The following SPAG16 variants were observed in gnomAD, a reference collection of about 807,000 sequenced individuals.
The protein encoded by SPAG16 is sperm-associated antigen 16 protein.
A neutral mutation model predicts 80.4 loss-of-function variants in SPAG16; 86 were observed. That is an observed-to-expected ratio of 1.07 (90% CI 0.90 to 1.28). The LOEUF (loss-of-function observed/expected upper bound fraction) is 1.28, where lower values mean the gene tolerates loss of function less well. SPAG16 is among the 50% of genes most tolerant of loss of function. The pLI is 0.00. For synonymous variants in SPAG16, 294 were observed against 265.9 expected (o/e 1.11, Z -1.03); for missense variants, 870 against 765.3 (o/e 1.14, Z -1.61).
At chr2:214,028,608 C>T (rs181033022) in intron 13 of SPAG16, among the ~76,000 whole-genome samples, 44 of 152,028 alleles carry the variant, frequency 2.9e-4, no homozygotes, top group African/African-American at 9.6e-4. Context: ...ATTTTACATG[C>T]ATTTGATAAA....
At chr2:213,702,331 C>T (rs535668848) in intron 10 of SPAG16, among the ~76,000 whole-genome samples, 47 of 152,352 alleles carry the variant, frequency 3.1e-4, no homozygotes, top group African/African-American at 1.0e-3. Flanking sequence ...GGTCTCTTTT[C>T]ATGCTGTGGA....
At chr2:213,756,437 G>A (rs1305469450) in intron 10 of SPAG16, among the ~76,000 whole-genome samples, 4 of 152,160 alleles carry the variant, frequency 2.6e-5, no homozygotes, top group African/African-American at 9.7e-5. Flanking sequence ...TGCATGCAGT[G>A]AGCTGAGATC....
chr2:214,337,731 G>A (rs981560637), intron 15 of SPAG16, among the ~76,000 whole-genome samples: 29 of 152,240 alleles, frequency 1.9e-4, no homozygotes, highest in African/African-American at 6.7e-4. Context: ...GGGATATTAC[G>A]TTGGTAGGTT....
chr2:213,391,285 A>G (rs2067737929), intron 9 of SPAG16, among the ~76,000 whole-genome samples: 2 of 152,170 alleles, frequency 1.3e-5, no homozygotes, highest in Non-Finnish European at 2.9e-5. Context: ...TAAATAAATA[A>G]ATGATACATA....
At chr2:213,335,583 AATTAT>A (rs1258055060) in intron 5 of SPAG16, among the ~76,000 whole-genome samples, 1 of 152,208 alleles carries the variant, frequency 6.6e-6, no homozygotes, top group African/African-American at 2.4e-5. Flanking sequence ...TTATTTGTCA[AATTAT>A]ATTCTTGATA....
intron 9 of SPAG16, 22 bp from the exon 10 acceptor site, chr2:213,489,941 C>T: frequency 6.3e-7 from 1 of 1,582,572 alleles, no homozygotes; most frequent in Non-Finnish European, 8.6e-7. Flanking sequence ...ACACAGAGCT[C>T]TTGTTTAATT....
chr2:213,902,554 A>G (rs927853693), intron 11 of SPAG16, among the ~76,000 whole-genome samples: 1 of 152,112 alleles, frequency 6.6e-6, no homozygotes. Context: ...CCATGATGCA[A>G]ATTATCTCCC....
intron 12 of SPAG16, among the ~76,000 whole-genome samples, chr2:214,005,940 T>C (rs896774864): frequency 6.6e-6 from 1 of 152,176 alleles, no homozygotes; most frequent in Non-Finnish European, 1.5e-5. Context: ...TATGTTCATG[T>C]TGGATTGTTA....
chr2:213,941,145 TCTCTCACTTAC>T (rs1410134794), intron 12 of SPAG16, among the ~76,000 whole-genome samples: 1 of 152,160 alleles, frequency 6.6e-6, no homozygotes, highest in African/African-American at 2.4e-5. Flanking sequence ...TCAGACTCTA[TCTCTCACTTAC>T]CTCTGATGTC....
At chr2:213,947,614 G>A (rs2079532992) in intron 12 of SPAG16, among the ~76,000 whole-genome samples, 1 of 151,964 alleles carries the variant, frequency 6.6e-6, no homozygotes, top group African/African-American at 2.4e-5. Context: ...TTAGGTCAAG[G>A]ACATTTTTTT....
In SPAG16 at chr2:214,407,304, CAT is replaced by C. The variant is rs145473311; in HGVS notation, c.1721-2835_1721-2834del. 2.8e-3 allele frequency among the ~76,000 whole-genome samples: 432 copies of C among 152,012 alleles called. 1 individual carries two copies. Among genetic ancestry groups the C allele is most frequent in the African/African-American group, 8.3e-3 (343 of 41,510 alleles). ...AACTTAATAATCTGTTCAGAAATTA[CAT>C]GTTACAAGACAATATTTTGCTTTTA... On this transcript the variant is annotated intron_variant, in intron 15 of 15. Coordinates refer to ENST00000331683, the MANE Select transcript of SPAG16 (RefSeq NM_024532.5).
chr2:213,432,350 A>C (rs916579595), intron 9 of SPAG16, among the ~76,000 whole-genome samples: 3 of 152,232 alleles, frequency 2.0e-5, no homozygotes, highest in African/African-American at 4.8e-5. Context: ...TAGCTAGATT[A>C]ACCAAGAAAA....
chr2:213,900,436 G>A (rs574892950), intron 11 of SPAG16, among the ~76,000 whole-genome samples: 2 of 152,228 alleles, frequency 1.3e-5, no homozygotes, highest in Admixed American at 6.5e-5. Flanking sequence ...AAGGTTGTAA[G>A]ATAAATTGTT....
intron 15 of SPAG16, among the ~76,000 whole-genome samples, chr2:214,225,205 T>C (rs1010458552): frequency 6.6e-6 from 1 of 152,102 alleles, no homozygotes; most frequent in Non-Finnish European, 1.5e-5. Flanking sequence ...GGACAAAATG[T>C]AGAGATGCGT....
intron 10 of SPAG16, among the ~76,000 whole-genome samples, chr2:213,659,127 CA>C (rs1389710247): frequency 6.6e-6 from 1 of 152,128 alleles, no homozygotes; most frequent in Non-Finnish European, 1.5e-5. Flanking sequence ...GTGTATTCTT[CA>C]ATAGCTCTTA....
intron 6 of SPAG16, among the ~76,000 whole-genome samples, chr2:213,344,559 G>C (rs1377741578): frequency 6.6e-6 from 1 of 152,076 alleles, no homozygotes; most frequent in Non-Finnish European, 1.5e-5. Flanking sequence ...GCCCCGGTAT[G>C]TGATGTTCCC....
chr2:213,892,746 A>T (rs1190837878), intron 11 of SPAG16, among the ~76,000 whole-genome samples: 1 of 152,128 alleles, frequency 6.6e-6, no homozygotes, highest in African/African-American at 2.4e-5. Flanking sequence ...CAGCCTACTT[A>T]AAAATATACA....
intron 14 of SPAG16, among the ~76,000 whole-genome samples, chr2:214,110,029 A>G (rs1213483540): frequency 6.6e-6 from 1 of 152,206 alleles, no homozygotes; most frequent in Non-Finnish European, 1.5e-5. Context: ...TATGGAAATA[A>G]GCAAATTAGA....
intron 10 of SPAG16, among the ~76,000 whole-genome samples, chr2:213,753,457 C>A (rs917837054): frequency 5.3e-5 from 8 of 152,120 alleles, no homozygotes; most frequent in Admixed American, 2.6e-4. Flanking sequence ...TCAGGCCAGG[C>A]CTTTTATAAA....
Sources: allele counts gnomAD v4.1 joint callset (sites outside exome capture counted in the v4.1 genomes callset), GRCh38; gene constraint gnomAD v4.1.1; transcripts MANE v1.5; gene names NCBI Gene and HGNC (gene_info 2026-07-23, HGNC 2026-07-21).